SAMD12: variants seen among roughly 807,000 people sequenced by gnomAD.
SAMD12 encodes sterile alpha motif domain containing 12.
Under a neutral mutation model 15.0 loss-of-function variants are expected in SAMD12, and 9 were observed. That is an observed-to-expected ratio of 0.60 (90% CI 0.36 to 1.05). The LOEUF (loss-of-function observed/expected upper bound fraction) is 1.05, where lower values mean the gene tolerates loss of function less well. Among genes scored for constraint, SAMD12 ranks in the 50% least tolerant of loss-of-function variants. SAMD12 has a pLI of 0.01. For synonymous variants in SAMD12, 86 were observed against 90.1 expected (o/e 0.96, Z 0.25); for missense variants, 230 against 234.2 (o/e 0.98, Z 0.12).
chr8:118,280,052 A>G (rs1170842477), intron 4 of SAMD12, among the ~76,000 whole-genome samples: 1 of 152,140 alleles, frequency 6.6e-6, no homozygotes, highest in Non-Finnish European at 1.5e-5. Flanking sequence ...GGGACTGGCA[A>G]TTGTGAGCTT....
chr8:118,241,428 AC>A (rs543251053), intron 4 of SAMD12, among the ~76,000 whole-genome samples: 2 of 152,270 alleles, frequency 1.3e-5, no homozygotes, highest in South Asian at 4.1e-4. Context: ...CTCTTTTAAG[AC>A]CATTGAGCTT....
chr8:118,449,850 A>G (rs1275183109), intron 2 of SAMD12, among the ~76,000 whole-genome samples: 1 of 151,320 alleles, frequency 6.6e-6, no homozygotes. Context: ...ATATAGAAAA[A>G]GGGGGAAAAT....
At chr8:118,328,654 A>G (rs901751672) in intron 4 of SAMD12, among the ~76,000 whole-genome samples, 1 of 152,210 alleles carries the variant, frequency 6.6e-6, no homozygotes, top group Non-Finnish European at 1.5e-5. Flanking sequence ...AGTGTGATGT[A>G]GTGCATAGCA....
At chr8:118,132,994 A>G in the SAMD12 span, among the ~76,000 whole-genome samples, 647 of 84,964 alleles carry the variant, frequency 7.6e-3, 22 homozygotes, top group African/African-American at 0.011. Context: ...ATATATATAT[A>G]TATATATATA....
chr8:118,396,564 T>A (rs749013030), intron 3 of SAMD12, among the ~76,000 whole-genome samples: 6 of 152,182 alleles, frequency 3.9e-5, no homozygotes, highest in Non-Finnish European at 7.3e-5. Flanking sequence ...AATAAATGGC[T>A]CTATGAGAAA....
intron 1 of SAMD12, among the ~76,000 whole-genome samples, chr8:118,614,152 T>C (rs1480368957): frequency 1.3e-5 from 2 of 152,198 alleles, no homozygotes; most frequent in African/African-American, 2.4e-5. Flanking sequence ...TCTTAGATGC[T>C]TTCATAAGTA....
chr8:118,230,244 C>T (rs1812277822), intron 4 of SAMD12, among the ~76,000 whole-genome samples: 1 of 152,136 alleles, frequency 6.6e-6, no homozygotes, highest in African/African-American at 2.4e-5. Context: ...AGATACTATT[C>T]TTGTCACAAT....
intron 4 of SAMD12, among the ~76,000 whole-genome samples, chr8:118,292,613 G>A (rs1814460022): frequency 6.6e-6 from 1 of 151,756 alleles, no homozygotes; most frequent in African/African-American, 2.4e-5. Flanking sequence ...TATGTTTATT[G>A]CAGCATTATT....
intron 4 of SAMD12, among the ~76,000 whole-genome samples, chr8:118,222,275 C>T (rs1391076682): frequency 6.6e-6 from 1 of 151,656 alleles, no homozygotes; most frequent in Non-Finnish European, 1.5e-5. Flanking sequence ...ATTATAGATG[C>T]CTGCAGGACA....
At chr8:118,548,673 G>A (rs1299228876) in intron 2 of SAMD12, among the ~76,000 whole-genome samples, 1 of 152,240 alleles carries the variant, frequency 6.6e-6, no homozygotes, top group South Asian at 2.1e-4. Flanking sequence ...CAGAGAGTGG[G>A]CGCAGGTCAG....
At chr8:118,602,912 AGAG>A (rs1827895063) in intron 1 of SAMD12, among the ~76,000 whole-genome samples, 1 of 152,202 alleles carries the variant, frequency 6.6e-6, no homozygotes, top group Admixed American at 6.5e-5. Context: ...AACTATGAAG[AGAG>A]GAGTACACTA....
At chr8:118,326,109 CTTAA>C (rs1213951313) in intron 4 of SAMD12, among the ~76,000 whole-genome samples, 1 of 152,150 alleles carries the variant, frequency 6.6e-6, no homozygotes, top group Non-Finnish European at 1.5e-5. Flanking sequence ...GCTTCAATTT[CTTAA>C]TAATAGTGCC....
intron 2 of SAMD12, among the ~76,000 whole-genome samples, chr8:118,514,998 AG>A (rs1270293026): frequency 1.9e-5 from 2 of 105,608 alleles, no homozygotes; most frequent in African/African-American, 9.3e-5. Context: ...GCTGTTTAAA[AG>A]TTTTGTTTGT....
chr8:118,477,954 C>G (rs1044811407), intron 2 of SAMD12, among the ~76,000 whole-genome samples: 1 of 144,814 alleles, frequency 6.9e-6, no homozygotes, highest in Admixed American at 7.3e-5. Flanking sequence ...GTGGTGCTTG[C>G]AGTGAGCAGA....
chr8:118,364,011 C>T (rs1818636630), intron 4 of SAMD12, among the ~76,000 whole-genome samples: 1 of 152,178 alleles, frequency 6.6e-6, no homozygotes, highest in Non-Finnish European at 1.5e-5. Flanking sequence ...GTATCTAATG[C>T]TAATGTTAGA....
In SAMD12 at chr8:118,307,106, C is replaced by T. The variant is rs147616847; in HGVS notation, c.433+72454G>A. Among the ~76,000 whole-genome samples, 24 of 152,310 alleles carry T rather than the reference C, an allele frequency of 1.6e-4. No homozygotes were observed. The East Asian group carries it at 4.6e-3, about 29-fold the overall frequency. The stretch of plus-strand genomic sequence containing the variant: ...TAAAGTCAGTAAAATGGAGAACCAG[C>T]ATGACCTAACATCACAAGAAAGGCC... On this transcript the variant is annotated intron_variant, in intron 4 of 4. Transcript: ENST00000409003.
At chr8:118,581,013 G>C (rs1827284199) in intron 1 of SAMD12, 120 bp from the exon 2 acceptor site, 2 of 662,480 alleles carry the variant, frequency 3.0e-6, no homozygotes, top group Non-Finnish European at 5.0e-6. Context: ...TCGAGAGGTG[G>C]TGTGATTACT....
intron 4 of SAMD12, among the ~76,000 whole-genome samples, chr8:118,235,475 C>T (rs1812409296): frequency 6.6e-6 from 1 of 151,972 alleles, no homozygotes; most frequent in Non-Finnish European, 1.5e-5. Flanking sequence ...TCCCAAAGTG[C>T]TGGGATTACA....
intron 3 of SAMD12, among the ~76,000 whole-genome samples, chr8:118,427,978 G>A (rs1822283873): frequency 1.3e-5 from 2 of 152,154 alleles, no homozygotes; most frequent in African/African-American, 4.8e-5. Context: ...TCTACTGGGT[G>A]TAAAGTATTA....
Sources: allele counts gnomAD v4.1 joint callset (sites outside exome capture counted in the v4.1 genomes callset), GRCh38; gene constraint gnomAD v4.1.1; transcripts MANE v1.5; gene names NCBI Gene and HGNC (gene_info 2026-07-23, HGNC 2026-07-21).